Variants in TTC7A observed in about 807,000 individuals in gnomAD.
The protein encoded by TTC7A is tetratricopeptide repeat domain 7A, also known as tetratricopeptide repeat protein 7A.
TTC7A carries 110 observed loss-of-function variants against 103.7 expected under a neutral mutation model. That is an observed-to-expected ratio of 1.06 (90% CI 0.91 to 1.24). The LOEUF (loss-of-function observed/expected upper bound fraction) is 1.24, where lower values mean the gene tolerates loss of function less well. Ranked by LOEUF, TTC7A falls within the 50% of genes most tolerant of loss-of-function variation. The pLI, the probability that TTC7A is intolerant of heterozygous loss-of-function variation, is 0.00. For synonymous variants in TTC7A, 521 were observed against 467.9 expected (o/e 1.11, Z -1.47); for missense variants, 1,340 against 1,116.3 (o/e 1.20, Z -2.86).
upstream of TTC7A, among the ~76,000 whole-genome samples, chr2:46,936,805 GTCT>G (rs909503138): frequency 2.3e-4 from 35 of 152,056 alleles, no homozygotes; most frequent in African/African-American, 8.2e-4. Flanking sequence ...ACATCCAGTG[GTCT>G]TCTTTTTTTT....
At chr2:47,065,724 C>G (rs1291185215) in intron 19 of TTC7A, 1 of 152,258 alleles carries the variant, frequency 6.6e-6, no homozygotes, top group Non-Finnish European at 1.5e-5. Context: ...TTCAGCAGCC[C>G]CTGAAGAAGG....
At chr2:47,031,878 G>A (rs1373490252) in intron 15 of TTC7A, among the ~76,000 whole-genome samples, 4 of 152,248 alleles carry the variant, frequency 2.6e-5, no homozygotes, top group African/African-American at 9.6e-5. Context: ...GCAGAAAATG[G>A]GGTCTGCCCA....
At chr2:47,056,767 G>A (rs116755770) in intron 18 of TTC7A, among the ~76,000 whole-genome samples, 1,830 of 152,320 alleles carry the variant, frequency 0.012, 43 homozygotes, top group African/African-American at 0.042. Flanking sequence ...AGACAGACAA[G>A]CAAGAGAAGA....
intron 15 of TTC7A, 90 bp from the exon 16 acceptor site, chr2:47,046,225 A>G (rs991329582): frequency 8.5e-6 from 8 of 944,032 alleles, no homozygotes; most frequent in Non-Finnish European, 1.4e-5. Flanking sequence ...TAGGGAGGTG[A>G]GCATGTGGAG....
At chr2:47,040,133 G>A (rs1406686999) in intron 15 of TTC7A, among the ~76,000 whole-genome samples, 1 of 152,206 alleles carries the variant, frequency 6.6e-6, no homozygotes, top group Non-Finnish European at 1.5e-5. Context: ...TGAAGGCTCT[G>A]GCAGCATCCT....
In TTC7A at chr2:47,060,759, G is replaced by T; in HGVS notation, c.2153-10G>T. 6.3e-7 allele frequency: 1 copy of T among 1,588,452 alleles called. No individual in the cohort carries two copies. Among genetic ancestry groups the T allele is most frequent in the Non-Finnish European group, 8.6e-7 (1 of 1,161,416 alleles). On this transcript the variant is annotated splice_polypyrimidine_tract_variant and intron_variant, in intron 18 of 19. Coordinates refer to ENST00000319190, the MANE Select transcript of TTC7A (RefSeq NM_020458.4). Reference sequence around the variant, plus strand: ...CACTCACACCTCCCACTGCCCTTCTGCTTTTGCAGCTGAGCTGTTCATGGA... The same window carrying T: ...CACTCACACCTCCCACTGCCCTTCTTCTTTTGCAGCTGAGCTGTTCATGGA...
chr2:46,970,769 G>A (rs72888530), intron 3 of TTC7A, among the ~76,000 whole-genome samples: 19,969 of 152,178 alleles, frequency 0.13, 1,495 homozygotes, highest in African/African-American at 0.2. Flanking sequence ...ATTCTTTCTC[G>A]GTTCCTCTTC....
At chr2:47,046,244 G>C (rs1275900695) in intron 15 of TTC7A, 71 bp from the exon 16 acceptor site, 1 of 1,240,740 alleles carries the variant, frequency 8.1e-7, no homozygotes, top group East Asian at 2.3e-5. Context: ...AGCCGCCCTG[G>C]TGGGGCAGGA....
At chr2:46,969,756 T>TACACTTGGCTACGTG (rs1673189259) in intron 3 of TTC7A, among the ~76,000 whole-genome samples, 1 of 152,194 alleles carries the variant, frequency 6.6e-6, no homozygotes, top group Admixed American at 6.5e-5. Flanking sequence ...CTTTGGGCTG[T>TACACTTGGCTACGTG]ACACTTGGCT....
At chr2:47,040,673 C>A (rs72808514) in intron 15 of TTC7A, 6 of 152,212 alleles carry the variant, frequency 3.9e-5, no homozygotes, top group African/African-American at 1.4e-4. Context: ...GGGATCGGGC[C>A]GGCCTGCGGC....
intron 2 of TTC7A, among the ~76,000 whole-genome samples, chr2:46,931,777 G>C (rs1007094249): frequency 1.3e-5 from 2 of 152,098 alleles, no homozygotes; most frequent in African/African-American, 2.4e-5. Context: ...AAGAAATGCA[G>C]CTCTGCCAAC....
chr2:47,012,515 A>C (rs368310233), intron 11 of TTC7A, among the ~76,000 whole-genome samples: 2 of 152,304 alleles, frequency 1.3e-5, no homozygotes, highest in East Asian at 3.9e-4. Flanking sequence ...GCTTGTTTTA[A>C]GGCAGTGGGG....
At position 47,005,968 on chromosome 2, in the gene TTC7A, A is replaced by C; in HGVS notation, c.1112A>C (p.Asp371Ala). 1.2e-6 allele frequency: 2 copies of C among 1,613,960 alleles called. No individual in the cohort carries two copies. The highest frequency in any genetic ancestry group is 1.7e-6 in the Non-Finnish European group (2 of 1,180,006). The change falls in exon 9 of 20, where the codon GAC becomes GCC. Residue 371 changes from aspartate to alanine, a missense_variant. By Grantham distance (126) the Asp-to-Ala change is moderately radical (BLOSUM62 -2). Transcript: ENST00000319190. ...VLSRVPEQEE[D>A]RTVSLQNAAA... The stretch of plus-strand genomic sequence containing the variant: ...AGCCGGGTGCCGGAGCAGGAGGAGG[A>C]CCGGACAGTGAGCTTGCAGAATGCC...
Position 47,073,694 on chromosome 2 carries a change from G to A in TTC7A, c.2356-8G>A, listed in dbSNP as rs376434109. On this transcript the variant is annotated splice_polypyrimidine_tract_variant and splice_region_variant and intron_variant, in intron 19 of 19. Transcript: ENST00000319190. Reference sequence around the variant, plus strand: ...CCCTACTCACCCTGCCCTGTGCTTCGTCCACAGGGTCTGATGCTGAGTCGG... The same window carrying A: ...CCCTACTCACCCTGCCCTGTGCTTCATCCACAGGGTCTGATGCTGAGTCGG... The A allele has an allele frequency of 5.1e-5, 82 of 1,613,282 alleles. No homozygotes were observed. The highest frequency in any genetic ancestry group is 2.0e-4 in the Admixed American group (12 of 60,008).
chr2:46,962,095 A>T (rs776654020), intron 3 of TTC7A, among the ~76,000 whole-genome samples: 3 of 151,980 alleles, frequency 2.0e-5, no homozygotes, highest in Non-Finnish European at 4.4e-5. Flanking sequence ...TGTACCCTCA[A>T]CCAATCTCCC....
At chr2:47,064,565 GGCAGCCT>G (rs1416962372) in intron 19 of TTC7A, among the ~76,000 whole-genome samples, 1 of 152,204 alleles carries the variant, frequency 6.6e-6, no homozygotes, top group Admixed American at 6.5e-5. Flanking sequence ...AGGGACCCCC[GGCAGCCT>G]GCACTCCTCT....
intron 3 of TTC7A, among the ~76,000 whole-genome samples, chr2:46,966,602 T>C (rs1260653280): frequency 6.6e-6 from 1 of 152,022 alleles, no homozygotes; most frequent in East Asian, 1.9e-4. Context: ...TTTTTTTTTT[T>C]TGCCATTATA....
At chr2:47,028,694 A>G (rs550991276) in intron 14 of TTC7A, among the ~76,000 whole-genome samples, 1 of 152,320 alleles carries the variant, frequency 6.6e-6, no homozygotes, top group Admixed American at 6.5e-5. Context: ...GGCTTAATAA[A>G]TATTTGTTGA....
At chr2:46,938,455 ATTCTC>A (rs1162493123), upstream of TTC7A, among the ~76,000 whole-genome samples, 5 of 152,072 alleles carry the variant, frequency 3.3e-5, no homozygotes, top group Non-Finnish European at 7.4e-5. Context: ...CCGAGGGGGT[ATTCTC>A]TTCTACTTTG....
Sources: gnomAD v4.1 joint callset for allele counts (sites outside exome capture counted in the v4.1 genomes callset) on GRCh38, gnomAD v4.1.1 for gene constraint, MANE v1.5 for transcripts, NCBI Gene and HGNC (gene_info 2026-07-23, HGNC 2026-07-21) for gene names.